The following WDR19 variants were observed in gnomAD, a reference collection of about 807,000 sequenced individuals.
The protein encoded by WDR19 is WD repeat domain 19.
A neutral mutation model predicts 180.0 loss-of-function variants in WDR19; 121 were observed. That is an observed-to-expected ratio of 0.67 (90% CI 0.58 to 0.78). The LOEUF is 0.78. WDR19 is among the 30% of genes least tolerant of loss of function. The pLI is 0.00. For missense variants in WDR19, 1,450 were observed against 1,640.7 expected (o/e 0.88, Z 2.01); for synonymous variants, 497 against 540.7 (o/e 0.92, Z 1.12).
At chr4:39,203,540 C>T in intron 6 of WDR19, 102 bp from the exon 7 acceptor site, 4 of 955,886 alleles carry the variant, frequency 4.2e-6, no homozygotes, top group South Asian at 1.6e-5. Flanking sequence ...GTTCTTAGTC[C>T]AACATTAGTC....
At chr4:39,198,819 G>GTGAA (rs1349461426) in intron 5 of WDR19, among the ~76,000 whole-genome samples, 1 of 152,184 alleles carries the variant, frequency 6.6e-6, no homozygotes, top group African/African-American at 2.4e-5. Flanking sequence ...GGCCAACATG[G>GTGAA]TGAAACCCTG....
Position 39,232,233 on chromosome 4 carries a change from C to G in WDR19, c.2214C>G (p.Asp738Glu). 1 of 1,612,456 alleles carries G rather than the reference C, an allele frequency of 6.2e-7. No homozygotes were observed. The highest frequency in any genetic ancestry group is 8.5e-7 in the Non-Finnish European group (1 of 1,179,408). ...MFTNDYNLAQ[D>E]LYLASSCPIA... ...CCAACGATTATAACCTGGCTCAGGA[C>G]TTGTACCTTGCATCCAGCTGTCCTA... The change falls in exon 19 of 37, where the codon GAC becomes GAG. Residue 738 changes from aspartate (D) to glutamate (E), a missense_variant. Transcript: ENST00000399820.
At chr4:39,229,978 A>G (rs1165162267) in intron 17 of WDR19, among the ~76,000 whole-genome samples, 3 of 152,138 alleles carry the variant, frequency 2.0e-5, no homozygotes, top group Admixed American at 1.3e-4. Flanking sequence ...CTCACCTGGA[A>G]TAATGTGTAA....
intron 33 of WDR19, 57 bp downstream of exon 33, chr4:39,275,015 A>C: frequency 6.3e-7 from 1 of 1,588,372 alleles, no homozygotes; most frequent in South Asian, 1.1e-5. Flanking sequence ...TATTTCCAAA[A>C]ATGTAGCTGC....
intron 17 of WDR19, 87 bp downstream of exon 17, chr4:39,228,777 A>G: frequency 3.0e-6 from 4 of 1,344,398 alleles, no homozygotes; most frequent in Non-Finnish European, 4.0e-6. Flanking sequence ...ATCTTATTTT[A>G]TTGCTTTATT....
intron 7 of WDR19, among the ~76,000 whole-genome samples, chr4:39,203,943 G>A (rs141855757): frequency 6.6e-6 from 1 of 152,100 alleles, no homozygotes; most frequent in South Asian, 2.1e-4. Flanking sequence ...GTTACAATTG[G>A]TATTGCTCTT....
chr4:39,208,138 TG>T (rs1728138069), intron 9 of WDR19, among the ~76,000 whole-genome samples: 1 of 151,786 alleles, frequency 6.6e-6, no homozygotes, highest in Non-Finnish European at 1.5e-5. Context: ...TAAATTAAAA[TG>T]GAATACTAAA....
chr4:39,265,440 T>A (rs887394361), intron 28 of WDR19, among the ~76,000 whole-genome samples: 1 of 152,054 alleles, frequency 6.6e-6, no homozygotes, highest in Non-Finnish European at 1.5e-5. Context: ...CTTAAGATGC[T>A]GTCCTCAAGG....
At chr4:39,200,177 A>G (rs1727224437) in intron 6 of WDR19, among the ~76,000 whole-genome samples, 1 of 152,250 alleles carries the variant, frequency 6.6e-6, no homozygotes, top group Admixed American at 6.5e-5. Flanking sequence ...TGCTAGAGCA[A>G]TATTGACTAA....
intron 14 of WDR19, among the ~76,000 whole-genome samples, chr4:39,222,941 A>G (rs1729848042): frequency 6.6e-6 from 1 of 152,220 alleles, no homozygotes; most frequent in Non-Finnish European, 1.5e-5. Context: ...TGCCATTTCA[A>G]TAATGTGTAA....
At position 39,262,896 on chromosome 4, in the gene WDR19, T is replaced by A. The variant is rs78221373; in HGVS notation, c.3184-3167T>A. On this transcript the variant is annotated intron_variant, in intron 28 of 36. Coordinates refer to ENST00000399820, the MANE Select transcript of WDR19 (RefSeq NM_025132.4). ...CAGATGATACAAGTTTCCTTCCCAA[T>A]CCTCCATTTCTTTCTTTCTTGGGGA... Among the ~76,000 whole-genome samples, 1,112 of 152,108 alleles carry A rather than the reference T, an allele frequency of 7.3e-3. 13 individuals carry two copies. The highest frequency in any genetic ancestry group is 0.025 in the African/African-American group (1,054 of 41,464).
intron 21 of WDR19, 105 bp downstream of exon 21, chr4:39,240,439 GGTGA>G (rs1731816079): frequency 1.7e-6 from 1 of 580,992 alleles, no homozygotes; most frequent in Non-Finnish European, 2.6e-6. Context: ...ATATCTAGCA[GGTGA>G]GTGTTTTCTT....
chr4:39,271,607 A>G (rs577300221), intron 31 of WDR19, among the ~76,000 whole-genome samples: 8 of 152,226 alleles, frequency 5.3e-5, no homozygotes, highest in Non-Finnish European at 1.0e-4. Context: ...AATGTCATGT[A>G]TATTCATGTG....
chr4:39,265,351 G>A (rs1734684328), intron 28 of WDR19, among the ~76,000 whole-genome samples: 2 of 152,130 alleles, frequency 1.3e-5, no homozygotes, highest in African/African-American at 4.8e-5. Context: ...ATGACATGTA[G>A]TCATGCGCAA....
chr4:39,185,419 C>A (rs935862376), intron 1 of WDR19, among the ~76,000 whole-genome samples: 3 of 152,022 alleles, frequency 2.0e-5, no homozygotes, highest in African/African-American at 7.2e-5. Context: ...TTAACATCTA[C>A]AAAACACTAA....
chr4:39,270,217 A>C, intron 31 of WDR19, 117 bp downstream of exon 31: 5 of 1,357,192 alleles, frequency 3.7e-6, no homozygotes, highest in Non-Finnish European at 5.1e-6. Flanking sequence ...TGTATTGTTA[A>C]GTAACAAAAC....
Position 39,232,056 on chromosome 4 carries a change from G to C in WDR19, c.2142+100G>C, listed in dbSNP as rs555023368. On this transcript the variant is annotated intron_variant, in intron 18 of 36. Transcript: ENST00000399820. ...GCATTTAATCTTACCTCTTAAACAA[G>C]TGAATCGATAGAACGTTACCACTTC... 6 of 1,513,382 alleles carry C rather than the reference G, an allele frequency of 4.0e-6. No individual in the cohort carries two copies. The South Asian group carries it at 7.0e-5, about 18-fold the overall frequency. The allele number at this position is 1,513,382 out of a possible 1,614,324, so 93.7% of individuals were successfully genotyped here.
chr4:39,197,692 C>T (rs1369433072), intron 5 of WDR19, among the ~76,000 whole-genome samples: 1 of 152,086 alleles, frequency 6.6e-6, no homozygotes, highest in Non-Finnish European at 1.5e-5. Context: ...GACTGGAAAG[C>T]TCAATGAAAA....
At chr4:39,250,559 G>A (rs1415491447) in intron 24 of WDR19, among the ~76,000 whole-genome samples, 1 of 152,174 alleles carries the variant, frequency 6.6e-6, no homozygotes, top group East Asian at 1.9e-4. Context: ...AAAAGAGGAA[G>A]TCAAATTGTC....
Sources: allele counts gnomAD v4.1 joint callset (sites outside exome capture counted in the v4.1 genomes callset), GRCh38; gene constraint gnomAD v4.1.1; transcripts MANE v1.5; gene names NCBI Gene and HGNC (gene_info 2026-07-23, HGNC 2026-07-21).